The following STAMBP variants were observed in gnomAD, a reference collection of about 807,000 sequenced individuals.
The protein encoded by STAMBP is STAM-binding protein.
A neutral mutation model predicts 50.7 loss-of-function variants in STAMBP; 31 were observed. The ratio of observed to expected loss-of-function variants is 0.61; its 90% CI spans 0.46 to 0.83. STAMBP has a LOEUF of 0.83. Among genes scored for constraint, STAMBP ranks in the 40% least tolerant of loss-of-function variants. The pLI is 0.00. For synonymous variants in STAMBP, 211 were observed against 192.4 expected, an observed-to-expected ratio of 1.10 and a Z score of -0.80; for missense variants, 472 against 518.9, an observed-to-expected ratio of 0.91 and a Z score of 0.88.
At chr2:73,859,792 C>T (rs1167578308) in intron 8 of STAMBP, among the ~76,000 whole-genome samples, 1 of 151,512 alleles carries the variant, frequency 6.6e-6, no homozygotes, top group East Asian at 1.9e-4. Flanking sequence ...TTTTTCATAC[C>T]AAATCCTGTC....
chr2:73,859,238 C>CT lies in STAMBP; in HGVS notation c.1006-11dup, dbSNP rs1339946102. On this transcript the variant is annotated splice_polypyrimidine_tract_variant and intron_variant, in intron 7 of 9. Coordinates refer to ENST00000394070, the MANE Select transcript of STAMBP (RefSeq NM_213622.4). ...TATCCTCGCTAAGAGTCCTCTGACT[C>CT]TTTTTCTCTCCTCAGACTCACCCCA... 1.2e-6 allele frequency: 2 copies of CT among 1,607,668 alleles called. No homozygotes were observed. The highest frequency in any genetic ancestry group is 1.7e-6 in the Non-Finnish European group (2 of 1,174,258).
chr2:73,838,394 A>C (rs559165829), intron 2 of STAMBP, among the ~76,000 whole-genome samples: 1 of 152,316 alleles, frequency 6.6e-6, no homozygotes, highest in South Asian at 2.1e-4. Context: ...TCTTTGGAGA[A>C]GTTTAGATGG....
At chr2:73,868,262 T>C (rs748132350), downstream of STAMBP, among the ~76,000 whole-genome samples, 22 of 151,890 alleles carry the variant, frequency 1.4e-4, no homozygotes, top group Non-Finnish European at 3.1e-4. Flanking sequence ...AATAGAACAC[T>C]AAAAAAATCA....
At chr2:73,860,649 C>A in intron 9 of STAMBP, 1 of 704,936 alleles carries the variant, frequency 1.4e-6, no homozygotes, top group Non-Finnish European at 1.7e-6. Context: ...GACCTTCCTA[C>A]AAAGTTCTTT....
intron 2 of STAMBP, among the ~76,000 whole-genome samples, chr2:73,834,199 G>C (rs1674297124): frequency 1.2e-5 from 1 of 84,846 alleles, no homozygotes; most frequent in Non-Finnish European, 2.2e-5. Context: ...GACAGAGCAA[G>C]ATCATGTCTT....
chr2:73,836,415 G>A (rs138070674), intron 2 of STAMBP, among the ~76,000 whole-genome samples: 312 of 152,330 alleles, frequency 2.0e-3, no homozygotes, highest in South Asian at 7.2e-3. Context: ...CGTGGTGCCC[G>A]CGCTGCCCTC....
intron 2 of STAMBP, among the ~76,000 whole-genome samples, chr2:73,833,401 A>G (rs1053743416): frequency 6.6e-6 from 1 of 151,770 alleles, no homozygotes; most frequent in Non-Finnish European, 1.5e-5. Context: ...TTAAGGTTTC[A>G]TAAAATTATA....
chr2:73,860,061 C>G lies in STAMBP; in HGVS notation c.1128C>G (p.Phe376Leu). ...CTTTTTTAAATTTCAGAACTGGATT[C>G]TTTAAACTAACTGACCATGGACTAG... Reference protein sequence around the residue: ...VCSPKFQETGFFKLTDHGLEE... With the variant: ...VCSPKFQETGLFKLTDHGLEE... Residue 376 changes from phenylalanine to leucine, a missense_variant, in exon 9 of 10, where the codon TTC (phenylalanine) becomes TTG (leucine). Transcript: ENST00000394070. The G allele has an allele frequency of 6.2e-7, 1 of 1,609,686 alleles. No homozygotes were observed.
chr2:73,860,725 G>A, intron 9 of STAMBP: 1 of 176,528 alleles, frequency 5.7e-6, no homozygotes, highest in Non-Finnish European at 1.1e-5. Context: ...GTTTCCATTT[G>A]CCCCTGCAAG....
At chr2:73,869,422 A>G (rs1679107186), downstream of STAMBP, among the ~76,000 whole-genome samples, 1 of 152,248 alleles carries the variant, frequency 6.6e-6, no homozygotes, top group African/African-American at 2.4e-5. Context: ...TATGAGAGAA[A>G]GACAATGTTT....
intron 5 of STAMBP, 42 bp from the exon 6 acceptor site, chr2:73,849,321 A>C: frequency 6.2e-7 from 1 of 1,611,650 alleles, no homozygotes; most frequent in Admixed American, 1.7e-5. Flanking sequence ...TTGAGGAGGC[A>C]GGGCTCAGTG....
At chr2:73,832,108 T>TATATGTATATATATATATATAC (rs1006072205) in intron 2 of STAMBP, among the ~76,000 whole-genome samples, 1 of 122,902 alleles carries the variant, frequency 8.1e-6, no homozygotes, top group Non-Finnish European at 1.6e-5. Context: ...TATATATATA[T>TATATGTATATATATATATATAC]ACACATATAT....
At chr2:73,839,014 T>G (rs562197408) in intron 2 of STAMBP, among the ~76,000 whole-genome samples, 263 of 152,320 alleles carry the variant, frequency 1.7e-3, no homozygotes, top group South Asian at 3.7e-3. Flanking sequence ...TGGCTCAGCT[T>G]TGGCAGTTAC....
chr2:73,838,741 A>G (rs531786852), intron 2 of STAMBP, among the ~76,000 whole-genome samples: 1 of 152,222 alleles, frequency 6.6e-6, no homozygotes, highest in Non-Finnish European at 1.5e-5. Context: ...ATGAACTACT[A>G]GGAGAGTTGG....
rs1415328359 is a variant in STAMBP, at chr2:73,845,063, A to G, written c.280-104A>G. 9 of 1,557,806 alleles carry G rather than the reference A, an allele frequency of 5.8e-6. No individual in the cohort carries two copies. In the Admixed American group the frequency reaches 5.9e-5, roughly 10 times the overall value. ...TATGGTACAGTAGGGGGTATTTTAAATCATTTTGGGAAATGTTGCAGTCAC... is the reference window on the plus strand; with the variant it reads ...TATGGTACAGTAGGGGGTATTTTAAGTCATTTTGGGAAATGTTGCAGTCAC... On this transcript the variant is annotated intron_variant, in intron 3 of 9. Transcript: ENST00000394070.
At position 73,847,635 on chromosome 2, in the gene STAMBP, C is replaced by T. The variant is rs1237246831; in HGVS notation, c.624C>T (p.Phe208=). The change falls in exon 5 of 10, where the codon TTC becomes TTT. Residue 208 remains phenylalanine, a synonymous_variant. Coordinates refer to ENST00000394070, the MANE Select transcript of STAMBP (RefSeq NM_213622.4). ...TGGAGAAGCCCTCCTTAGATGTGTT[C>T]CCCACCTTAACAGTCTCATCCATAC... is the stretch of plus-strand genomic sequence containing the variant. ...PDLEKPSLDV[F]PTLTVSSIQP... is the part of the protein sequence containing the mutation. 4 of 1,614,078 alleles carry T rather than the reference C, an allele frequency of 2.5e-6. No homozygotes were observed. In the Admixed American group the frequency reaches 6.7e-5, roughly 27 times the overall value.
intron 4 of STAMBP, among the ~76,000 whole-genome samples, chr2:73,846,481 A>G (rs574624123): frequency 2.0e-4 from 30 of 151,884 alleles, no homozygotes; most frequent in African/African-American, 7.2e-4. Context: ...AAATACAAAA[A>G]TTAGTGTGGT....
At chr2:73,834,218 AAAAAAAAAAAAAAAAAAAATATATAT>A (rs1156283294) in intron 2 of STAMBP, among the ~76,000 whole-genome samples, 14 of 17,290 alleles carry the variant, frequency 8.1e-4, no homozygotes, top group African/African-American at 2.9e-3. Context: ...TTAAAAAAAA[AAAAAAAAAAAAAAAAAAAATATATAT>A]ATATATATAT....
intron 2 of STAMBP, among the ~76,000 whole-genome samples, chr2:73,838,185 G>C (rs575931084): frequency 6.6e-6 from 1 of 152,182 alleles, no homozygotes; most frequent in Non-Finnish European, 1.5e-5. Context: ...TTCTATAGGG[G>C]ACCAGAGAGT....
Sources: gnomAD v4.1 joint callset for allele counts (sites outside exome capture counted in the v4.1 genomes callset) on GRCh38, gnomAD v4.1.1 for gene constraint, MANE v1.5 for transcripts, NCBI Gene and HGNC (gene_info 2026-07-23, HGNC 2026-07-21) for gene names.